The following INPP4B variants were observed in gnomAD, a reference collection of about 807,000 sequenced individuals.
INPP4B encodes the protein inositol polyphosphate 4-phosphatase type II.
A neutral mutation model predicts 122.5 loss-of-function variants in INPP4B; 55 were observed. That is an observed-to-expected ratio of 0.45 (90% CI 0.36 to 0.56). The LOEUF is 0.56. Ranked by LOEUF, INPP4B falls within the 20% of genes least tolerant of loss-of-function variation. The pLI is 0.00. For synonymous variants in INPP4B, 403 were observed against 388.7 expected (o/e 1.04, Z -0.43); for missense variants, 1,000 against 1,097.7 (o/e 0.91, Z 1.26).
rs373208634 is a variant in INPP4B, at chr4:142,825,456, G to T, written c.-254+20753C>A. ...TTCTAGTCAACATATATGTGCACAG[G>T]CACTATATATATATGTATCATATCA... On this transcript the variant is annotated intron_variant, in intron 1 of 25. Coordinates refer to ENST00000262992, the MANE Select transcript of INPP4B (RefSeq NM_001101669.3). Among the ~76,000 whole-genome samples the T allele has an allele frequency of 4.6e-5, 7 of 151,326 alleles. No individual in the cohort carries two copies. The East Asian group carries it at 1.4e-3, about 29-fold the overall frequency.
chr4:142,141,069 A>G (rs1054770853), intron 18 of INPP4B, among the ~76,000 whole-genome samples: 14 of 152,180 alleles, frequency 9.2e-5, no homozygotes, highest in Non-Finnish European at 8.8e-5. Flanking sequence ...AAAGGTGACA[A>G]TTCAAAAGGG....
intron 2 of INPP4B, among the ~76,000 whole-genome samples, chr4:142,644,260 G>T (rs1230377024): frequency 7.0e-6 from 1 of 142,162 alleles, no homozygotes; most frequent in Admixed American, 7.1e-5. Flanking sequence ...AAGGAAGGGG[G>T]TCAGGAGGAG....
At chr4:142,644,675 G>C (rs1198233000) in intron 2 of INPP4B, among the ~76,000 whole-genome samples, 1 of 149,680 alleles carries the variant, frequency 6.7e-6, no homozygotes, top group Non-Finnish European at 1.5e-5. Flanking sequence ...GGTGGGCTGG[G>C]CGGATCACCT....
intron 2 of INPP4B, among the ~76,000 whole-genome samples, chr4:142,686,953 A>C (rs1759431850): frequency 6.6e-6 from 1 of 152,052 alleles, no homozygotes; most frequent in Admixed American, 6.6e-5. Context: ...GGAGTAAAAT[A>C]GATTTTGGGG....
At chr4:142,824,703 A>C (rs1040141460) in intron 1 of INPP4B, among the ~76,000 whole-genome samples, 14 of 152,112 alleles carry the variant, frequency 9.2e-5, no homozygotes, top group African/African-American at 3.4e-4. Flanking sequence ...ATTCAGATAC[A>C]AGGGTTGAAT....
chr4:142,051,309 T>C (rs575574510), intron 25 of INPP4B, among the ~76,000 whole-genome samples: 2 of 152,146 alleles, frequency 1.3e-5, no homozygotes, highest in Admixed American at 1.3e-4. Context: ...TTAAATTGCC[T>C]AGTTTTCTAA....
intron 16 of INPP4B, among the ~76,000 whole-genome samples, chr4:142,169,852 T>C (rs1356571020): frequency 6.6e-6 from 1 of 151,678 alleles, no homozygotes; most frequent in African/African-American, 2.4e-5. Flanking sequence ...AATTAAGTGC[T>C]CAATAGTGCT....
intron 2 of INPP4B, among the ~76,000 whole-genome samples, chr4:142,609,777 AG>A (rs1307274194): frequency 6.6e-6 from 1 of 152,190 alleles, no homozygotes; most frequent in East Asian, 1.9e-4. Flanking sequence ...TGTTTCTTGA[AG>A]AGTCAACTGT....
At chr4:142,034,381 C>T (rs948110598) in intron 25 of INPP4B, among the ~76,000 whole-genome samples, 4 of 152,064 alleles carry the variant, frequency 2.6e-5, no homozygotes, top group Non-Finnish European at 4.4e-5. Context: ...TCACCCAGCC[C>T]GAATGTCACT....
At chr4:142,671,851 C>A (rs1480055693) in intron 2 of INPP4B, among the ~76,000 whole-genome samples, 2 of 152,170 alleles carry the variant, frequency 1.3e-5, no homozygotes, top group South Asian at 4.1e-4. Flanking sequence ...AATTGAGTAA[C>A]CACTAAATCA....
intron 9 of INPP4B, among the ~76,000 whole-genome samples, chr4:142,301,698 A>C (rs1012720899): frequency 6.6e-6 from 1 of 152,182 alleles, no homozygotes; most frequent in Non-Finnish European, 1.5e-5. Context: ...TAAGAATATA[A>C]AAAATTCTTA....
At chr4:142,542,781 A>G (rs760230166) in intron 2 of INPP4B, among the ~76,000 whole-genome samples, 2 of 152,196 alleles carry the variant, frequency 1.3e-5, no homozygotes, top group Admixed American at 6.5e-5. Context: ...TGTCAAACCA[A>G]TAACTAGATT....
chr4:142,700,558 C>A (rs902025320), intron 2 of INPP4B, among the ~76,000 whole-genome samples: 1 of 152,234 alleles, frequency 6.6e-6, no homozygotes, highest in Admixed American at 6.5e-5. Context: ...ATTCTATTAA[C>A]CCCTTCATTC....
At chr4:142,738,744 A>T (rs938675925) in intron 1 of INPP4B, among the ~76,000 whole-genome samples, 3 of 152,280 alleles carry the variant, frequency 2.0e-5, no homozygotes, top group East Asian at 1.9e-4. Context: ...TAATATACAG[A>T]ACTGACATAC....
intron 2 of INPP4B, among the ~76,000 whole-genome samples, chr4:142,593,264 T>C (rs1445391731): frequency 6.6e-6 from 1 of 151,956 alleles, no homozygotes. Context: ...TGAGGTAAAA[T>C]AGGGAGATTA....
intron 1 of INPP4B, among the ~76,000 whole-genome samples, chr4:142,750,535 G>GT (rs1291596328): frequency 6.6e-6 from 1 of 152,070 alleles, no homozygotes; most frequent in Non-Finnish European, 1.5e-5. Context: ...CTCACTCATA[G>GT]TTTGTCATGA....
At chr4:142,549,965 G>A (rs1360301111) in intron 2 of INPP4B, among the ~76,000 whole-genome samples, 1 of 152,148 alleles carries the variant, frequency 6.6e-6, no homozygotes. Flanking sequence ...ATTAGGAGGA[G>A]GGGGAAATGG....
chr4:142,521,326 C>A (rs1027934568), intron 2 of INPP4B, among the ~76,000 whole-genome samples: 4 of 151,820 alleles, frequency 2.6e-5, no homozygotes, highest in Non-Finnish European at 5.9e-5. Flanking sequence ...ATCCTCTTGG[C>A]AATTCATATT....
At chr4:142,485,828 C>T (rs1356321210) in intron 2 of INPP4B, among the ~76,000 whole-genome samples, 1 of 152,064 alleles carries the variant, frequency 6.6e-6, no homozygotes, top group East Asian at 1.9e-4. Context: ...CCACATACAC[C>T]CATTATTAAA....
Sources: gnomAD v4.1 joint callset for allele counts (sites outside exome capture counted in the v4.1 genomes callset) on GRCh38, gnomAD v4.1.1 for gene constraint, MANE v1.5 for transcripts, NCBI Gene and HGNC (gene_info 2026-07-23, HGNC 2026-07-21) for gene names.